Variants in RAPGEF5 observed in about 807,000 individuals in gnomAD.
RAPGEF5 encodes the protein Rap guanine nucleotide exchange factor 5.
RAPGEF5 carries 65 observed loss-of-function variants against 125.2 expected under a neutral mutation model. The ratio of observed to expected loss-of-function variants is 0.52; its 90% confidence interval spans 0.43 to 0.64. The LOEUF (loss-of-function observed/expected upper bound fraction) is 0.64. Among genes scored for constraint, RAPGEF5 ranks in the 30% least tolerant of loss-of-function variants. The pLI, the probability that RAPGEF5 is intolerant of heterozygous loss-of-function variation, is 0.00. For synonymous variants in RAPGEF5, 391 were observed against 385.9 expected (o/e 1.01, Z -0.16); for missense variants, 958 against 1,048.1 (o/e 0.91, Z 1.19).
intron 9 of RAPGEF5, among the ~76,000 whole-genome samples, chr7:22,201,809 A>T (rs915459690): frequency 2.0e-5 from 3 of 152,204 alleles, no homozygotes; most frequent in Non-Finnish European, 4.4e-5. Flanking sequence ...GTTCCAATAT[A>T]AAAGTTCTTG....
At chr7:22,157,811 C>G (rs1783857611) in intron 15 of RAPGEF5, 44 bp downstream of exon 15, 1 of 1,583,756 alleles carries the variant, frequency 6.3e-7, no homozygotes, top group Non-Finnish European at 8.7e-7. Context: ...GGCAAGGTCT[C>G]CAAACCGGAT....
intron 22 of RAPGEF5, 99 bp downstream of exon 22, chr7:22,136,834 G>T: frequency 1.9e-6 from 2 of 1,044,280 alleles, no homozygotes; most frequent in Non-Finnish European, 2.8e-6. Flanking sequence ...TAGGCTACCT[G>T]ACACGGTAGA....
chr7:22,320,437 G>A (rs1377463350), intron 1 of RAPGEF5, among the ~76,000 whole-genome samples: 1 of 152,166 alleles, frequency 6.6e-6, no homozygotes, highest in African/African-American at 2.4e-5. Flanking sequence ...ATTTTTAGCA[G>A]GTACTGGGAA....
At chr7:22,286,518 C>T (rs1383200092) in intron 6 of RAPGEF5, among the ~76,000 whole-genome samples, 1 of 152,152 alleles carries the variant, frequency 6.6e-6, no homozygotes, top group Non-Finnish European at 1.5e-5. Context: ...AGGTTTTGTT[C>T]TGGTTGTTGA....
At chr7:22,237,067 C>T (rs908823724) in intron 7 of RAPGEF5, among the ~76,000 whole-genome samples, 1 of 152,138 alleles carries the variant, frequency 6.6e-6, no homozygotes, top group African/African-American at 2.4e-5. Context: ...CTGCCTTCAC[C>T]AGGTGAAATT....
chr7:22,173,261 A>G (rs1784403437), intron 11 of RAPGEF5, among the ~76,000 whole-genome samples: 2 of 152,234 alleles, frequency 1.3e-5, no homozygotes, highest in African/African-American at 2.4e-5. Context: ...ATAATAGATT[A>G]AAGTGCTATG....
intron 11 of RAPGEF5, among the ~76,000 whole-genome samples, chr7:22,180,203 CTT>C (rs1193660937): frequency 1.3e-5 from 2 of 152,182 alleles, no homozygotes; most frequent in African/African-American, 2.4e-5. Flanking sequence ...TCAAAACAAA[CTT>C]AACATAAGCT....
intron 9 of RAPGEF5, among the ~76,000 whole-genome samples, chr7:22,211,963 CTTTTTTTT>C (rs749576250): frequency 0.15 from 17,423 of 114,294 alleles, 1,144 homozygotes; most frequent in South Asian, 0.18. Context: ...CATGTGTTCT[CTTTTTTTT>C]TTTTTTTTTT....
intron 11 of RAPGEF5, 194 bp downstream of exon 11, chr7:22,193,173 A>C (rs1785048245): frequency 1.6e-6 from 1 of 616,722 alleles, no homozygotes; most frequent in Non-Finnish European, 2.8e-6. Context: ...CTTCCCAGGG[A>C]GCTGCTTGGG....
intron 5 of RAPGEF5, among the ~76,000 whole-genome samples, chr7:22,302,042 C>T (rs962810683): frequency 6.6e-6 from 1 of 152,154 alleles, no homozygotes; most frequent in African/African-American, 2.4e-5. Flanking sequence ...TCAGTAGATG[C>T]CTGGTAAGTA....
chr7:22,306,131 C>T (rs914099758), intron 5 of RAPGEF5, among the ~76,000 whole-genome samples: 1 of 152,182 alleles, frequency 6.6e-6, no homozygotes, highest in Non-Finnish European at 1.5e-5. Flanking sequence ...TCAAACTGTT[C>T]TCCATAATGG....
chr7:22,130,876 A>G (rs977041388), intron 24 of RAPGEF5, 161 bp downstream of exon 24: 5 of 982,224 alleles, frequency 5.1e-6, no homozygotes, highest in Non-Finnish European at 7.5e-6. Context: ...GCAGCGTACA[A>G]CATGCAGCAA....
chr7:22,247,912 G>C (rs1786520071), intron 7 of RAPGEF5, among the ~76,000 whole-genome samples: 1 of 152,122 alleles, frequency 6.6e-6, no homozygotes, highest in Non-Finnish European at 1.5e-5. Flanking sequence ...TTATAAGTGG[G>C]AGCTAAACAA....
rs762636227 is a variant in RAPGEF5 at position 22,162,556 on chromosome 7, G to GA, written c.1284-16dup. On this transcript the variant is annotated splice_polypyrimidine_tract_variant and intron_variant, in intron 12 of 25. Coordinates refer to ENST00000665637, the MANE Select transcript of RAPGEF5 (RefSeq NM_012294.5). ...TAGCAGAATAGGTGCAAATGGTTAA[G>GA]AAAAAATTATATTGTTGAAAATTTT... 6.3e-7 allele frequency: 1 copy of GA among 1,593,664 alleles called. No homozygotes were observed. The highest frequency in any genetic ancestry group is 8.6e-7 in the Non-Finnish European group (1 of 1,167,318).
At position 22,122,384 on chromosome 7, in the gene RAPGEF5, A is replaced by C. The variant is rs768342198; in HGVS notation, c.*22T>G. 7 of 1,554,238 alleles carry C rather than the reference A, an allele frequency of 4.5e-6. No homozygotes were observed. Among genetic ancestry groups the C allele is most frequent in the Non-Finnish European group, 6.2e-6 (7 of 1,126,874 alleles). ...CCGTAGCTCAAAGTGCTGCAGATAC[A>C]GGGGAGGTGAGGCAGTGGGGCTCAC... On this transcript the variant is annotated 3_prime_UTR_variant, in exon 26 of 26. Transcript: ENST00000665637.
At chr7:22,228,673 A>AATTT (rs1321759627) in intron 8 of RAPGEF5, among the ~76,000 whole-genome samples, 2 of 89,364 alleles carry the variant, frequency 2.2e-5, no homozygotes, top group African/African-American at 8.6e-5. Flanking sequence ...ACGCCCAGCT[A>AATTT]ATTTTTTTTT....
intron 6 of RAPGEF5, among the ~76,000 whole-genome samples, chr7:22,279,088 G>A (rs1328680350): frequency 6.6e-6 from 1 of 152,062 alleles, no homozygotes; most frequent in East Asian, 1.9e-4. Flanking sequence ...GAATCCATAG[G>A]CTCTTTTGTT....
At chr7:22,337,526 T>C (rs991669776) in intron 1 of RAPGEF5, among the ~76,000 whole-genome samples, 1 of 152,234 alleles carries the variant, frequency 6.6e-6, no homozygotes, top group Non-Finnish European at 1.5e-5. Context: ...CCTAAACTTG[T>C]GGCCTTTTAT....
intron 19 of RAPGEF5, among the ~76,000 whole-genome samples, chr7:22,145,901 A>C (rs1341491206): frequency 6.6e-6 from 1 of 152,106 alleles, no homozygotes; most frequent in Non-Finnish European, 1.5e-5. Context: ...AAGACCAGTA[A>C]CTATTTATAT....
Sources: allele counts gnomAD v4.1 joint callset (sites outside exome capture counted in the v4.1 genomes callset), GRCh38; gene constraint gnomAD v4.1.1; transcripts MANE v1.5; gene names NCBI Gene and HGNC (gene_info 2026-07-23, HGNC 2026-07-21).